The following ATG2B variants were observed in gnomAD, a reference collection of about 807,000 sequenced individuals.
The protein encoded by ATG2B is autophagy related 2B.
A neutral mutation model predicts 241.3 loss-of-function variants in ATG2B; 121 were observed. The ratio of observed to expected loss-of-function variants is 0.50; its 90% confidence interval spans 0.43 to 0.58. ATG2B has a LOEUF of 0.58. Among genes scored for constraint, ATG2B ranks in the 20% least tolerant of loss-of-function variants. The probability of loss-of-function intolerance (pLI) is 0.00; values close to 1 mark genes in which losing one functional copy is unlikely to be tolerated. For missense variants in ATG2B, 2,306 were observed against 2,491.6 expected (o/e 0.93, Z 1.59); for synonymous variants, 858 against 876.6 (o/e 0.98, Z 0.37).
In ATG2B at chr14:96,290,973, T is replaced by G; in HGVS notation, c.5580-38A>C. The stretch of plus-strand genomic sequence containing the variant: ...ATTATTAGTATGTCAAAAGGAGAAA[T>G]ACATTTATAGACACAGATTAGTTTG... On this transcript the variant is annotated intron_variant, in intron 38 of 41. Transcript: ENST00000359933. The surrounding 1 kb of genome is among the most constrained non-coding windows in gnomAD (Gnocchi z 4.4). The G allele has an allele frequency of 6.3e-7, 1 of 1,574,940 alleles. No homozygotes were observed. Among genetic ancestry groups the G allele is most frequent in the Non-Finnish European group, 8.6e-7 (1 of 1,157,842 alleles).
In ATG2B at chr14:96,315,172, C is replaced by G; in HGVS notation, c.3624G>C (p.Gly1208=). 6.2e-7 allele frequency: 1 copy of G among 1,614,000 alleles called. No homozygotes were observed. The highest frequency in any genetic ancestry group is 8.5e-7 in the Non-Finnish European group (1 of 1,179,898). ...ATLQHRMLPS[G]LSWHEQILYF... is the part of the protein sequence containing the mutation. ...CTCTTACCTGCTCATGCCAGCTAAG[C>G]CCAGAAGGAAGCATTCTATGCTGGA... The change falls in exon 23 of 42, where the codon GGG becomes GGC. Residue 1208 remains glycine (G), a synonymous_variant. Coordinates refer to ENST00000359933, the MANE Select transcript of ATG2B (RefSeq NM_018036.7).
intron 34 of ATG2B, among the ~76,000 whole-genome samples, chr14:96,297,327 T>G (rs1886671805): frequency 6.6e-6 from 1 of 151,664 alleles, no homozygotes; most frequent in African/African-American, 2.4e-5. Context: ...GATACAATGG[T>G]TTCTACTCAT....
intron 36 of ATG2B, among the ~76,000 whole-genome samples, chr14:96,294,574 A>C (rs1023463839): frequency 6.6e-5 from 10 of 152,190 alleles, no homozygotes; most frequent in Admixed American, 2.6e-4. Context: ...GAAAATCCCC[A>C]CAAGGGAAAA....
intron 6 of ATG2B, 47 bp from the exon 7 acceptor site, chr14:96,334,548 C>G: frequency 8.9e-7 from 1 of 1,118,512 alleles, no homozygotes; most frequent in Non-Finnish European, 1.3e-6. Context: ...TCTTTATAAC[C>G]TTATCACCAT....
Position 96,295,036 on chromosome 14 carries a change from C to T in ATG2B, c.5350G>A (p.Glu1784Lys). ...TTCTCTTCCATGCCATTAACCACTTCCACTGAATTGGCACTATCATTTTGG... is the reference window on the plus strand; with the variant it reads ...TTCTCTTCCATGCCATTAACCACTTTCACTGAATTGGCACTATCATTTTGG... ...PSQNDSANSV[E>K]VVNGMEEKNF... The change falls in exon 36 of 42, where the codon GAA (glutamate) becomes AAA (lysine). Residue 1784 changes from glutamate (E) to lysine (K), a missense_variant. Coordinates refer to ENST00000359933, the MANE Select transcript of ATG2B (RefSeq NM_018036.7). The T allele has an allele frequency of 6.2e-7, 1 of 1,614,218 alleles. No individual in the cohort carries two copies. The highest frequency in any genetic ancestry group is 1.1e-5 in the South Asian group (1 of 91,084).
chr14:96,326,149 T>A (rs1308907222), intron 14 of ATG2B, among the ~76,000 whole-genome samples: 5 of 152,052 alleles, frequency 3.3e-5, no homozygotes, highest in Admixed American at 3.3e-4. Context: ...AACTCTGAAA[T>A]AAAAAATTAA....
intron 36 of ATG2B, chr14:96,293,090 T>C (rs1886533216): frequency 1.3e-5 from 2 of 152,186 alleles, no homozygotes; most frequent in Non-Finnish European, 2.9e-5. Flanking sequence ...ATGGTACACA[T>C]CTAACAAAAT....
chr14:96,353,900 T>C (rs1888402369), intron 1 of ATG2B, among the ~76,000 whole-genome samples: 1 of 152,060 alleles, frequency 6.6e-6, no homozygotes, highest in Admixed American at 6.6e-5. Flanking sequence ...TTTCCAACTT[T>C]AATGAAGAGA....
Position 96,323,683 on chromosome 14 carries a change from G to C in ATG2B, c.2540+213C>G, listed in dbSNP as rs547117515. 2.6e-5 allele frequency among the ~76,000 whole-genome samples: 4 copies of C among 152,304 alleles called. No individual in the cohort carries two copies. In the South Asian group the frequency reaches 8.3e-4, roughly 32 times the overall value. On this transcript the variant is annotated intron_variant, in intron 16 of 41. Coordinates refer to ENST00000359933, the MANE Select transcript of ATG2B (RefSeq NM_018036.7). ...GTCTAATAGACAGTGGAGAGGAGGA[G>C]TAAAGCAAGGCAGGCAGAAAAATAG...
Position 96,294,025 on chromosome 14 carries a change from C to T in ATG2B, c.5426+935G>A, listed in dbSNP as rs542059891. ...TTAATTTTAAAAGGTCCTTCTTTGGCGGTGGAAAGATTTAGAACCACCAGG... is the reference window on the plus strand; with the variant it reads ...TTAATTTTAAAAGGTCCTTCTTTGGTGGTGGAAAGATTTAGAACCACCAGG... On this transcript the variant is annotated intron_variant, in intron 36 of 41. Transcript: ENST00000359933. 1.1e-3 allele frequency among the ~76,000 whole-genome samples: 162 copies of T among 152,226 alleles called. 3 individuals are homozygous for T. The South Asian group carries it at 0.031, about 29-fold the overall frequency.
rs1887679168 is a variant in ATG2B, at chr14:96,329,628, T to A, written c.1737A>T (p.Ile579=). The A allele has an allele frequency of 7.6e-6, 12 of 1,587,942 alleles. No individual in the cohort carries two copies. The highest frequency in any genetic ancestry group is 1.0e-5 in the Non-Finnish European group (12 of 1,162,000). ...EACSHDHLRF[I]GTGIKVSYEQ... Reference sequence around the variant, plus strand: ...CATAGGATACTTTAATGCCAGTACCTATAAATCTATTATAAAAAATGCACC... The same window carrying A: ...CATAGGATACTTTAATGCCAGTACCAATAAATCTATTATAAAAAATGCACC... The change falls in exon 12 of 42, where the codon ATA becomes ATT. Residue 579 remains isoleucine, a synonymous_variant. Transcript: ENST00000359933.
intron 11 of ATG2B, 85 bp downstream of exon 11, chr14:96,331,290 AC>A: frequency 7.7e-7 from 1 of 1,295,872 alleles, no homozygotes; most frequent in Non-Finnish European, 1.1e-6. Context: ...ATAGGCAGAT[AC>A]AAAAGTCCAC....
In ATG2B at chr14:96,294,956, T is replaced by G. The variant is rs780553250; in HGVS notation, c.5426+4A>C. On this transcript the variant is annotated splice_donor_region_variant and intron_variant, in intron 36 of 41. Transcript: ENST00000359933. ...TCATTTGTTATTAAAACTAAATTAG[T>G]TACCTAAAAAACACAGGCTGATCCC... is the stretch of plus-strand genomic sequence containing the variant. The G allele has an allele frequency of 6.2e-7, 1 of 1,612,696 alleles. No individual in the cohort carries two copies. Among genetic ancestry groups the G allele is most frequent in the Non-Finnish European group, 8.5e-7 (1 of 1,179,134 alleles).
At chr14:96,344,616 CAATAG>C in intron 4 of ATG2B, 33 bp downstream of exon 4, 1 of 1,199,654 alleles carries the variant, frequency 8.3e-7, no homozygotes, top group Non-Finnish European at 1.2e-6. Flanking sequence ...ATCAGAGTTA[CAATAG>C]GGTCATTTAT....
Position 96,363,096 on chromosome 14 carries a change from A to G in ATG2B, c.-120T>C, listed in dbSNP as rs964512838. Reference sequence around the variant, plus strand: ...AGCCTGGGGCGGCCCCTCCATCCCTATTTGGTGCCGGGAGTCCCTCAGGGA... The same window carrying G: ...AGCCTGGGGCGGCCCCTCCATCCCTGTTTGGTGCCGGGAGTCCCTCAGGGA... On this transcript the variant is annotated 5_prime_UTR_variant, in exon 1 of 42. Coordinates refer to ENST00000359933, the MANE Select transcript of ATG2B (RefSeq NM_018036.7). 63 of 1,169,816 alleles carry G rather than the reference A, an allele frequency of 5.4e-5. No individual in the cohort carries two copies. Among genetic ancestry groups the G allele is most frequent in the Admixed American group, 1.3e-4 (6 of 46,638 alleles). The allele number at this position is 1,169,816 out of a possible 1,614,324, so 72.5% of individuals were successfully genotyped here. A position where few individuals can be genotyped will look rare whatever the true frequency, so the allele number is the denominator to read the frequency against.
chr14:96,355,381 G>A (rs1888446579), intron 1 of ATG2B, among the ~76,000 whole-genome samples: 1 of 152,110 alleles, frequency 6.6e-6, no homozygotes, highest in East Asian at 1.9e-4. Flanking sequence ...AGCACCATCA[G>A]GGAATCCTTT....
chr14:96,303,650 G>A (rs187614617), intron 32 of ATG2B, among the ~76,000 whole-genome samples: 179 of 152,014 alleles, frequency 1.2e-3, no homozygotes, highest in Non-Finnish European at 2.1e-3. Context: ...TTTATCATAG[G>A]TATGTATGTA....
intron 1 of ATG2B, among the ~76,000 whole-genome samples, chr14:96,358,869 A>G (rs1049583093): frequency 6.6e-5 from 10 of 152,142 alleles, no homozygotes; most frequent in African/African-American, 1.9e-4. Flanking sequence ...AGTCCTTTAG[A>G]GCTTTTTATT....
At position 96,282,300 on chromosome 14, in the gene ATG2B, C is replaced by T. The variant is rs901843672; in HGVS notation, c.*3455G>A. 3 of 152,184 alleles carry T rather than the reference C, an allele frequency of 2.0e-5. No individual in the cohort carries two copies. The highest frequency in any genetic ancestry group is 4.8e-5 in the African/African-American group (2 of 41,438). The allele number at this position is 152,184 out of a possible 1,614,324, so 9.4% of individuals were successfully genotyped here. A position where few individuals can be genotyped will look rare whatever the true frequency, so the allele number is the denominator to read the frequency against. On this transcript the variant is annotated 3_prime_UTR_variant, in exon 42 of 42. Coordinates refer to ENST00000359933, the MANE Select transcript of ATG2B (RefSeq NM_018036.7). ...CATTTGCAGATACAAAAGAATATTG[C>T]TTTGTGTTTGCACAGTCCCTTCCTT...
Sources: allele counts gnomAD v4.1 joint callset (sites outside exome capture counted in the v4.1 genomes callset), GRCh38; gene constraint gnomAD v4.1.1; non-coding constraint Gnocchi (gnomAD v3.1); transcripts MANE v1.5; gene names NCBI Gene and HGNC (gene_info 2026-07-23, HGNC 2026-07-21).